Variants in KIDINS220 observed in about 807,000 individuals in gnomAD.
The protein encoded by KIDINS220 is kinase D-interacting substrate of 220 kDa.
KIDINS220 carries 63 observed loss-of-function variants against 157.6 expected under a neutral mutation model. The ratio of observed to expected loss-of-function variants is 0.40; its 90% CI spans 0.33 to 0.49. The LOEUF is 0.49. KIDINS220 is among the 20% of genes least tolerant of loss of function. The pLI, the probability that KIDINS220 is intolerant of heterozygous loss-of-function variation, is 0.66. For missense variants in KIDINS220, 1,772 were observed against 2,171.2 expected (o/e 0.82, Z 3.65); for synonymous variants, 732 against 783.6 (o/e 0.93, Z 1.10).
intron 2 of KIDINS220, among the ~76,000 whole-genome samples, chr2:8,823,318 TAACATG>T (rs1371392400): frequency 2.6e-5 from 4 of 151,556 alleles, no homozygotes; most frequent in Admixed American, 2.6e-4. Flanking sequence ...CCAAACACAT[TAACATG>T]AAGTTACATA....
At chr2:8,772,889 G>A (rs1670426074) in intron 21 of KIDINS220, among the ~76,000 whole-genome samples, 1 of 152,070 alleles carries the variant, frequency 6.6e-6, no homozygotes, top group Non-Finnish European at 1.5e-5. Context: ...TGGGAAATGG[G>A]GATTCAAGAG....
chr2:8,788,881 C>G (rs1414312690), intron 14 of KIDINS220, 69 bp from the exon 15 acceptor site: 1 of 1,376,182 alleles, frequency 7.3e-7, no homozygotes, highest in Non-Finnish European at 1.0e-6. Flanking sequence ...CTCCAAAGAT[C>G]AAGTATCAAG....
At chr2:8,812,116 A>G (rs1676411907) in intron 6 of KIDINS220, among the ~76,000 whole-genome samples, 1 of 152,232 alleles carries the variant, frequency 6.6e-6, no homozygotes, top group South Asian at 2.1e-4. Flanking sequence ...AAGGAGAGTT[A>G]CAATAGAAAA....
intron 26 of KIDINS220, chr2:8,740,245 C>T: frequency 1.3e-6 from 1 of 768,194 alleles, no homozygotes; most frequent in Non-Finnish European, 1.6e-6. Flanking sequence ...ATCCGATGCA[C>T]AACTATAAAT....
At chr2:8,757,409 C>G in intron 22 of KIDINS220, 1 of 1,187,730 alleles carries the variant, frequency 8.4e-7, no homozygotes, top group Non-Finnish European at 1.0e-6. Flanking sequence ...TAAATGCCAA[C>G]AGTCTTACAG....
At chr2:8,799,428 G>C (rs1438003) in intron 9 of KIDINS220, among the ~76,000 whole-genome samples, 148,751 of 152,220 alleles carry the variant, frequency 0.98, 72,693 homozygotes, top group Middle Eastern at 0.99. Flanking sequence ...TCAGCAACCC[G>C]GCCAGGCTCT....
intron 26 of KIDINS220, among the ~76,000 whole-genome samples, chr2:8,741,539 C>G (rs765029153): frequency 6.6e-5 from 10 of 152,092 alleles, no homozygotes; most frequent in Non-Finnish European, 1.3e-4. Flanking sequence ...AAGATTGTGC[C>G]ATTGTACTCC....
chr2:8,790,201 C>T, intron 13 of KIDINS220, 142 bp from the exon 14 acceptor site: 1 of 718,740 alleles, frequency 1.4e-6, no homozygotes, highest in South Asian at 2.1e-5. Flanking sequence ...TGCCACTTAA[C>T]CATTTTACCC....
rs1248201402 is a variant in KIDINS220, at chr2:8,767,740, G to C, written c.3011+2930C>G. On this transcript the variant is annotated intron_variant, in intron 22 of 29. Transcript: ENST00000256707. The stretch of plus-strand genomic sequence containing the variant: ...TATGAAAGCTTTGGGTGAATATCAG[G>C]AGAGGTTATCATAAAATATGATGTT... Among the ~76,000 whole-genome samples, 3 of 152,144 alleles carry C rather than the reference G, an allele frequency of 2.0e-5. No individual in the cohort carries two copies. The East Asian group carries it at 5.8e-4, about 29-fold the overall frequency.
chr2:8,812,875 CAG>C (rs1491269181), intron 5 of KIDINS220, among the ~76,000 whole-genome samples: 1 of 152,050 alleles, frequency 6.6e-6, no homozygotes, highest in African/African-American at 2.4e-5. Flanking sequence ...ATATATATAA[CAG>C]AATGTATAGA....
At chr2:8,791,563 T>C (rs1222187500) in intron 12 of KIDINS220, among the ~76,000 whole-genome samples, 2 of 152,204 alleles carry the variant, frequency 1.3e-5, no homozygotes, top group African/African-American at 2.4e-5. Flanking sequence ...TGTGACATCA[T>C]GCTTTCTTGT....
In KIDINS220 at chr2:8,747,929, T is replaced by C. The variant is rs1666810054; in HGVS notation, c.3486A>G (p.Pro1162=). ...PGGSQHLISR[P]SVKTSLPRDQ... ...CTCTGGGCAAACTCGTTTTTACTGA[T>C]GGACGTGAGATGAGATGTTGGGAGC... The change falls in exon 25 of 30, where the codon CCA becomes CCG. Residue 1162 remains proline, a synonymous_variant. Coordinates refer to ENST00000256707, the MANE Select transcript of KIDINS220 (RefSeq NM_020738.4). 5 of 1,606,786 alleles carry C rather than the reference T, an allele frequency of 3.1e-6. No homozygotes were observed. Among genetic ancestry groups the C allele is most frequent in the African/African-American group, 1.3e-5 (1 of 74,524 alleles).
Position 8,731,168 on chromosome 2 carries a change from C to T in KIDINS220, c.4868G>A (p.Ser1623Asn). The T allele has an allele frequency of 1.2e-6, 2 of 1,614,216 alleles. No homozygotes were observed. Among genetic ancestry groups the T allele is most frequent in the South Asian group, 1.1e-5 (1 of 91,078 alleles). ...NLIELEDDSH[S>N]GKRGIPHSLS... ...GCTATGTGGGATTCCCCGCTTTCCG[C>T]TGTGACTGTCATCTTCCAGCTCTAT... The change falls in exon 30 of 30, where the codon AGC (serine) becomes AAC (asparagine). Residue 1623 changes from serine (S) to asparagine (N), a missense_variant. Transcript: ENST00000256707. The surrounding 1 kb of genome is among the most constrained non-coding windows in gnomAD (Gnocchi z 5.2).
chr2:8,734,632 T>G, intron 28 of KIDINS220, 23 bp downstream of exon 28: 1 of 1,455,598 alleles, frequency 6.9e-7, no homozygotes, highest in Non-Finnish European at 9.6e-7. Context: ...GTTGTAAACA[T>G]CACAATGTTA....
At chr2:8,817,194 C>T (rs1677196464) in intron 4 of KIDINS220, among the ~76,000 whole-genome samples, 1 of 152,136 alleles carries the variant, frequency 6.6e-6, no homozygotes, top group Admixed American at 6.5e-5. Context: ...GCACAGATAG[C>T]ATGTCTGAAA....
intron 6 of KIDINS220, among the ~76,000 whole-genome samples, chr2:8,812,006 T>G (rs1312661681): frequency 6.6e-6 from 1 of 152,062 alleles, no homozygotes; most frequent in African/African-American, 2.4e-5. Flanking sequence ...CCAGAGATGG[T>G]CTTCAGGAAT....
intron 2 of KIDINS220, among the ~76,000 whole-genome samples, chr2:8,822,469 T>A (rs189887338): frequency 0.01 from 1,526 of 151,804 alleles, 32 homozygotes; most frequent in African/African-American, 0.034. Context: ...ACAAAAAAAA[T>A]TTTTTTTAAT....
rs971647556 is a variant in KIDINS220 at position 8,746,864 on chromosome 2, C to G, written c.3585+281G>C. 8.4e-5 allele frequency: 32 copies of G among 381,396 alleles called. No individual in the cohort carries two copies. The Admixed American group carries it at 1.2e-3, about 15-fold the overall frequency. 23.6% of individuals were successfully genotyped at this position (381,396 alleles called of 1,614,324 possible). ...AATACTACCAACGGAACACCCCTGA[C>G]AGCTGATAGAAAAAGCCCTTCCTTA... On this transcript the variant is annotated intron_variant, in intron 26 of 29. Transcript: ENST00000256707.
chr2:8,768,246 T>TAA (rs201257787), intron 22 of KIDINS220, among the ~76,000 whole-genome samples: 297 of 141,646 alleles, frequency 2.1e-3, no homozygotes, highest in South Asian at 0.012. Context: ...AAATGTATGT[T>TAA]AAAAAAAAAA....
Sources: allele counts gnomAD v4.1 joint callset (sites outside exome capture counted in the v4.1 genomes callset), GRCh38; gene constraint gnomAD v4.1.1; non-coding constraint Gnocchi (gnomAD v3.1); transcripts MANE v1.5; gene names NCBI Gene and HGNC (gene_info 2026-07-23, HGNC 2026-07-21).